Variants in KCTD8 observed in about 807,000 individuals in gnomAD.
The protein encoded by KCTD8 is BTB/POZ domain-containing protein KCTD8.
KCTD8 carries 27 observed loss-of-function variants against 31.5 expected under a neutral mutation model. The observed-to-expected ratio is 0.86, with a 90% CI of 0.63 to 1.18. KCTD8 has a LOEUF of 1.18. KCTD8 is among the 50% of genes most tolerant of loss of function. The pLI, the probability that KCTD8 is intolerant of heterozygous loss-of-function variation, is 0.00. For missense variants in KCTD8, 658 were observed against 647.7 expected, an observed-to-expected ratio of 1.02 and a Z score of -0.17; for synonymous variants, 290 against 280.0, an observed-to-expected ratio of 1.04 and a Z score of -0.36.
chr4:44,234,114 A>G (rs555172284), intron 1 of KCTD8, among the ~76,000 whole-genome samples: 1 of 152,204 alleles, frequency 6.6e-6, no homozygotes, highest in African/African-American at 2.4e-5. Flanking sequence ...TTTAATTTTC[A>G]AAACAACCCT....
chr4:44,257,993 C>G (rs1207594727), intron 1 of KCTD8, among the ~76,000 whole-genome samples: 2 of 151,936 alleles, frequency 1.3e-5, no homozygotes, highest in Non-Finnish European at 2.9e-5. Flanking sequence ...CGTTCCAGTT[C>G]ATTAATTCCT....
At chr4:44,185,395 C>T (rs1171030660) in intron 1 of KCTD8, among the ~76,000 whole-genome samples, 1 of 152,198 alleles carries the variant, frequency 6.6e-6, no homozygotes, top group African/African-American at 2.4e-5. Context: ...AATGCCATTG[C>T]TAAATATATA....
chr4:44,203,626 G>A (rs1315598984), intron 1 of KCTD8, among the ~76,000 whole-genome samples: 3 of 150,422 alleles, frequency 2.0e-5, no homozygotes, highest in African/African-American at 7.3e-5. Context: ...AAGAAAGGCA[G>A]AAAATAAGAA....
chr4:44,217,231 C>T (rs1002188174), intron 1 of KCTD8, among the ~76,000 whole-genome samples: 2 of 152,000 alleles, frequency 1.3e-5, no homozygotes, highest in Non-Finnish European at 2.9e-5. Flanking sequence ...CTTCACACAC[C>T]CCCAAAATCA....
chr4:44,383,454 G>C (rs1720127170), intron 1 of KCTD8, among the ~76,000 whole-genome samples: 1 of 151,952 alleles, frequency 6.6e-6, no homozygotes, highest in Non-Finnish European at 1.5e-5. Context: ...CATGGTACTG[G>C]CATAGAAACT....
intron 1 of KCTD8, among the ~76,000 whole-genome samples, chr4:44,178,433 A>C (rs1315107215): frequency 6.6e-6 from 1 of 152,114 alleles, no homozygotes; most frequent in East Asian, 1.9e-4. Context: ...AGCAAGCATG[A>C]AATTCAACAC....
intron 1 of KCTD8, among the ~76,000 whole-genome samples, chr4:44,315,142 G>C (rs1430020007): frequency 6.6e-6 from 1 of 151,500 alleles, no homozygotes; most frequent in African/African-American, 2.4e-5. Context: ...ATTTCTTCTT[G>C]GGTTTTCACT....
intron 1 of KCTD8, among the ~76,000 whole-genome samples, chr4:44,178,760 T>G (rs1051668133): frequency 6.6e-6 from 1 of 152,204 alleles, no homozygotes; most frequent in Non-Finnish European, 1.5e-5. Context: ...AATGCCTTAT[T>G]CTATTTGTTT....
chr4:44,293,643 A>T (rs1717343519), intron 1 of KCTD8, among the ~76,000 whole-genome samples: 1 of 152,030 alleles, frequency 6.6e-6, no homozygotes, highest in Non-Finnish European at 1.5e-5. Flanking sequence ...GAATCTGGTG[A>T]GTTAGGTTGG....
chr4:44,252,575 C>G (rs750196891), intron 1 of KCTD8, among the ~76,000 whole-genome samples: 1 of 151,532 alleles, frequency 6.6e-6, no homozygotes, highest in Non-Finnish European at 1.5e-5. Context: ...AAAATGGTAT[C>G]GCATCAAAAG....
rs1043577623 is a variant in KCTD8 at position 44,233,907 on chromosome 4, A to T, written c.962-58657T>A. ...TTTAAACAATTTACTATTCATCCAG[A>T]TATTGAGTATTTTCTACTAGCTTCA... is the stretch of plus-strand genomic sequence containing the variant. On this transcript the variant is annotated intron_variant, in intron 1 of 1. Transcript: ENST00000360029. Among the ~76,000 whole-genome samples, 4 of 152,258 alleles carry T rather than the reference A, an allele frequency of 2.6e-5. No homozygotes were observed. The East Asian group carries it at 5.8e-4, about 22-fold the overall frequency.
chr4:44,391,697 G>A (rs1720378509), intron 1 of KCTD8, among the ~76,000 whole-genome samples: 1 of 151,658 alleles, frequency 6.6e-6, no homozygotes, highest in Non-Finnish European at 1.5e-5. Context: ...GTTAAGTTTT[G>A]GGGGAGTCAA....
At chr4:44,235,204 T>G (rs1035618780) in intron 1 of KCTD8, among the ~76,000 whole-genome samples, 2 of 151,390 alleles carry the variant, frequency 1.3e-5, no homozygotes, top group Non-Finnish European at 2.9e-5. Flanking sequence ...TTTTTTTTTT[T>G]TTTTATAGAC....
intron 1 of KCTD8, among the ~76,000 whole-genome samples, chr4:44,395,707 C>T (rs1188558722): frequency 6.6e-6 from 1 of 152,038 alleles, no homozygotes; most frequent in African/African-American, 2.4e-5. Context: ...AAAAAATGTT[C>T]GTACTTTTAC....
intron 1 of KCTD8, among the ~76,000 whole-genome samples, chr4:44,295,469 T>C (rs1717401900): frequency 6.6e-6 from 1 of 152,046 alleles, no homozygotes; most frequent in African/African-American, 2.4e-5. Context: ...CCTTATTTAA[T>C]TGTCAGTTTC....
chr4:44,343,353 A>G (rs1357045863), intron 1 of KCTD8, among the ~76,000 whole-genome samples: 1 of 152,184 alleles, frequency 6.6e-6, no homozygotes, highest in East Asian at 1.9e-4. Flanking sequence ...AATACACACA[A>G]TATTTACTGA....
At chr4:44,342,432 T>TA (rs762557433) in intron 1 of KCTD8, among the ~76,000 whole-genome samples, 1 of 151,936 alleles carries the variant, frequency 6.6e-6, no homozygotes, top group Non-Finnish European at 1.5e-5. Flanking sequence ...ACAGTGGGCT[T>TA]ACAATACTCA....
chr4:44,288,874 C>T lies in KCTD8; in HGVS notation c.962-113624G>A, dbSNP rs1334156913. ...ATGGTCAGAAAAGGCAGGTAACAAT[C>T]CTTGTTAAAGTGTCAGATTTTTATT... On this transcript the variant is annotated intron_variant, in intron 1 of 1. Coordinates refer to ENST00000360029, the MANE Select transcript of KCTD8 (RefSeq NM_198353.3). Among the ~76,000 whole-genome samples, 3 of 151,874 alleles carry T rather than the reference C, an allele frequency of 2.0e-5. No individual in the cohort carries two copies. The East Asian group carries it at 5.8e-4, about 29-fold the overall frequency.
chr4:44,250,015 T>C (rs918220514), intron 1 of KCTD8, among the ~76,000 whole-genome samples: 4 of 151,824 alleles, frequency 2.6e-5, no homozygotes, highest in African/African-American at 7.2e-5. Context: ...GGTGTCGATT[T>C]TGTAGACATC....
Sources: gnomAD v4.1 joint callset for allele counts (sites outside exome capture counted in the v4.1 genomes callset) on GRCh38, gnomAD v4.1.1 for gene constraint, MANE v1.5 for transcripts, NCBI Gene and HGNC (gene_info 2026-07-23, HGNC 2026-07-21) for gene names.